Variants in SNTG1 observed in about 807,000 individuals in gnomAD.
SNTG1 encodes the protein syntrophin gamma 1.
A neutral mutation model predicts 74.7 loss-of-function variants in SNTG1; 39 were observed. The ratio of observed to expected loss-of-function variants is 0.52; its 90% CI spans 0.40 to 0.68. The LOEUF (loss-of-function observed/expected upper bound fraction) is 0.68. Among genes scored for constraint, SNTG1 ranks in the 30% least tolerant of loss-of-function variants. The pLI is 0.00. For missense variants in SNTG1, 685 were observed against 609.5 expected, an observed-to-expected ratio of 1.12 and a Z score of -1.30; for synonymous variants, 254 against 217.1, an observed-to-expected ratio of 1.17 and a Z score of -1.49.
intron 2 of SNTG1, among the ~76,000 whole-genome samples, chr8:50,236,688 G>A (rs186739597): frequency 1.8e-4 from 28 of 152,010 alleles, no homozygotes; most frequent in African/African-American, 6.0e-4. Flanking sequence ...CTGACCTTGT[G>A]ATCCGCCCGC....
chr8:50,550,253 C>T (rs138137611), intron 11 of SNTG1, among the ~76,000 whole-genome samples: 31 of 152,264 alleles, frequency 2.0e-4, no homozygotes, highest in African/African-American at 6.3e-4. Flanking sequence ...CTGAGCCTGC[C>T]TGTTTTTCCA....
intron 18 of SNTG1, among the ~76,000 whole-genome samples, chr8:50,782,937 T>C (rs537431058): frequency 6.6e-6 from 1 of 152,340 alleles, no homozygotes; most frequent in Non-Finnish European, 1.5e-5. Context: ...GATCCTCTGC[T>C]GCATGTCTGT....
At chr8:50,105,440 T>C (rs528571514) in intron 1 of SNTG1, among the ~76,000 whole-genome samples, 179 of 152,288 alleles carry the variant, frequency 1.2e-3, no homozygotes, top group African/African-American at 4.2e-3. Context: ...CCTTGAAGTA[T>C]AGTTTGAATT....
At chr8:50,728,821 C>G (rs1172652740) in intron 17 of SNTG1, among the ~76,000 whole-genome samples, 1 of 152,112 alleles carries the variant, frequency 6.6e-6, no homozygotes, top group African/African-American at 2.4e-5. Context: ...ATCCTAGATC[C>G]CTGACTGGGT....
At chr8:49,934,445 A>G (rs1278136924) in intron 1 of SNTG1, among the ~76,000 whole-genome samples, 2 of 152,110 alleles carry the variant, frequency 1.3e-5, no homozygotes, top group African/African-American at 2.4e-5. Flanking sequence ...AAATTAGGCA[A>G]TTCACAAAGA....
chr8:50,792,816 A>T lies in SNTG1; in HGVS notation c.1541A>T (p.Lys514Met), dbSNP rs772037550. The part of the protein sequence containing the change: ...AASSATTSKA[K>M]YTT ...AGCTCTGCTACCACGAGCAAAGCAA[A>T]GTATACAACTTGACATACTGAACTC... Residue 514 changes from lysine (K) to methionine (M), a missense_variant, in exon 19 of 19, where the codon AAG becomes ATG. Coordinates refer to ENST00000642720, the MANE Select transcript of SNTG1 (RefSeq NM_018967.5). 1.2e-6 allele frequency: 2 copies of T among 1,611,698 alleles called. No individual in the cohort carries two copies. Among genetic ancestry groups the T allele is most frequent in the Non-Finnish European group, 1.7e-6 (2 of 1,178,572 alleles).
At chr8:50,424,130 A>G (rs1240852793) in intron 4 of SNTG1, among the ~76,000 whole-genome samples, 1 of 152,120 alleles carries the variant, frequency 6.6e-6, no homozygotes, top group Non-Finnish European at 1.5e-5. Context: ...GGTTCCGGGA[A>G]TGTGCTCCAG....
chr8:50,474,015 T>G (rs2093675041), intron 8 of SNTG1, among the ~76,000 whole-genome samples: 1 of 152,000 alleles, frequency 6.6e-6, no homozygotes, highest in Non-Finnish European at 1.5e-5. Flanking sequence ...GTGCAACGGC[T>G]CCATGGAGTC....
chr8:50,317,673 A>G (rs1460003055), intron 2 of SNTG1, among the ~76,000 whole-genome samples: 1 of 152,168 alleles, frequency 6.6e-6, no homozygotes, highest in African/African-American at 2.4e-5. Context: ...CTTCTCTGGA[A>G]AAGAGCTAGA....
chr8:50,529,503 A>G (rs1449379304), intron 9 of SNTG1, among the ~76,000 whole-genome samples: 1 of 152,064 alleles, frequency 6.6e-6, no homozygotes, highest in Non-Finnish European at 1.5e-5. Context: ...TAACTTTAAA[A>G]AATATCTTTA....
intron 1 of SNTG1, among the ~76,000 whole-genome samples, chr8:50,169,447 T>C (rs2082733820): frequency 6.6e-6 from 1 of 152,204 alleles, no homozygotes; most frequent in African/African-American, 2.4e-5. Flanking sequence ...TGCAACTTAA[T>C]ATCTTGGACA....
chr8:50,771,122 T>A (rs2095626125), intron 18 of SNTG1, among the ~76,000 whole-genome samples: 1 of 152,036 alleles, frequency 6.6e-6, no homozygotes, highest in African/African-American at 2.4e-5. Context: ...TGGAAGTGGG[T>A]AATGACTGGT....
chr8:50,673,065 T>C (rs902852072), intron 15 of SNTG1, among the ~76,000 whole-genome samples: 5 of 152,142 alleles, frequency 3.3e-5, no homozygotes, highest in African/African-American at 1.2e-4. Flanking sequence ...TACCATGCTG[T>C]TTTGGTTACT....
chr8:49,999,376 G>A (rs930096559), intron 1 of SNTG1, among the ~76,000 whole-genome samples: 4 of 151,980 alleles, frequency 2.6e-5, no homozygotes, highest in Non-Finnish European at 4.4e-5. Flanking sequence ...GGGTGAGTAC[G>A]GTCTTCTGCC....
chr8:50,284,635 C>A (rs1197560906), intron 2 of SNTG1, among the ~76,000 whole-genome samples: 1 of 152,062 alleles, frequency 6.6e-6, no homozygotes, highest in East Asian at 1.9e-4. Context: ...GCCATTTCTC[C>A]AAGGAGTCAT....
intron 13 of SNTG1, among the ~76,000 whole-genome samples, chr8:50,647,023 A>C (rs2131208240): frequency 6.6e-6 from 1 of 152,288 alleles, no homozygotes; most frequent in South Asian, 2.1e-4. Context: ...ATAAAAAAAT[A>C]ATAATCTAGA....
At chr8:50,551,518 G>T (rs1585657162) in intron 11 of SNTG1, among the ~76,000 whole-genome samples, 1 of 152,128 alleles carries the variant, frequency 6.6e-6, no homozygotes, top group African/African-American at 2.4e-5. Flanking sequence ...GTTATAACCA[G>T]AGAGCAGAAA....
At chr8:50,303,093 T>C (rs2089723210) in intron 2 of SNTG1, among the ~76,000 whole-genome samples, 1 of 152,186 alleles carries the variant, frequency 6.6e-6, no homozygotes, top group African/African-American at 2.4e-5. Flanking sequence ...AGTAAGCACA[T>C]AAACACATAT....
At chr8:49,985,287 G>A (rs1016616078) in intron 1 of SNTG1, among the ~76,000 whole-genome samples, 11 of 152,034 alleles carry the variant, frequency 7.2e-5, no homozygotes, top group Admixed American at 1.3e-4. Context: ...CTACAGGTGC[G>A]CATCGCCATG....
Sources: allele counts gnomAD v4.1 joint callset (sites outside exome capture counted in the v4.1 genomes callset), GRCh38; gene constraint gnomAD v4.1.1; transcripts MANE v1.5; gene names NCBI Gene and HGNC (gene_info 2026-07-23, HGNC 2026-07-21).